LRRC4C: variants seen among roughly 807,000 people sequenced by gnomAD.
LRRC4C encodes leucine-rich repeat-containing protein 4C.
LRRC4C carries 5 observed loss-of-function variants against 33.6 expected under a neutral mutation model. The ratio of observed to expected loss-of-function variants is 0.15; its 90% CI spans 0.08 to 0.31. The LOEUF (loss-of-function observed/expected upper bound fraction) is 0.31, where lower values mean the gene tolerates loss of function less well. Among genes scored for constraint, LRRC4C ranks in the 10% least tolerant of loss-of-function variants. LRRC4C has a pLI of 1.00. For synonymous variants in LRRC4C, 329 were observed against 302.0 expected, an observed-to-expected ratio of 1.09 and a Z score of -0.93; for missense variants, 560 against 796.7, an observed-to-expected ratio of 0.70 and a Z score of 3.58.
intron 1 of LRRC4C, among the ~76,000 whole-genome samples, chr11:41,260,797 A>T (rs1238968148): frequency 6.6e-6 from 1 of 152,052 alleles, no homozygotes; most frequent in Non-Finnish European, 1.5e-5. Context: ...AATAGTGATA[A>T]CCTCATTCAT....
Position 40,794,282 on chromosome 11 carries a change from G to A in LRRC4C, c.-407+139353C>T, listed in dbSNP as rs367718788. Among the ~76,000 whole-genome samples the A allele has an allele frequency of 6.8e-4, 102 of 150,934 alleles. 2 individuals are homozygous for A. The South Asian group carries it at 0.019, about 29-fold the overall frequency. The stretch of plus-strand genomic sequence containing the variant: ...TAAGAATGAACAAACGAGAAAGTCT[G>A]GGCCATAGGCATTTAGTGAATAAAC... On this transcript the variant is annotated intron_variant, in intron 2 of 6. Transcript: ENST00000528697.
Position 40,645,000 on chromosome 11 carries a change from T to TTGAA in LRRC4C, c.-270+3138_-270+3141dup, listed in dbSNP as rs1181956886. Among the ~76,000 whole-genome samples, 13 of 152,282 alleles carry TTGAA rather than the reference T, an allele frequency of 8.5e-5. 1 individual carries two copies. The highest frequency in any genetic ancestry group is 2.6e-4 in the African/African-American group (11 of 41,576). ...GTACAATTATTTAAAAACTAAAAAG[T>TTGAA]TGAATTAAAAATTCAGTCATCAGCA... On this transcript the variant is annotated intron_variant, in intron 3 of 6. Transcript: ENST00000528697.
chr11:40,365,376 C>T (rs1948161106), intron 3 of LRRC4C, among the ~76,000 whole-genome samples: 2 of 152,052 alleles, frequency 1.3e-5, no homozygotes, highest in African/African-American at 4.8e-5. Context: ...AATTCTCCTC[C>T]TAACTATGCA....
intron 3 of LRRC4C, among the ~76,000 whole-genome samples, chr11:40,556,685 T>C (rs906435388): frequency 2.0e-5 from 3 of 152,304 alleles, no homozygotes; most frequent in Admixed American, 2.0e-4. Context: ...CATAAAGAGT[T>C]GTCAATGTGA....
At position 41,282,895 on chromosome 11, in the gene LRRC4C, A is replaced by C. The variant is rs149044755; in HGVS notation, c.-496+176536T>G. Among the ~76,000 whole-genome samples the C allele has an allele frequency of 3.4e-3, 515 of 152,318 alleles. 2 individuals are homozygous for C. Among genetic ancestry groups the C allele is most frequent in the African/African-American group, 0.011 (477 of 41,572 alleles). On this transcript the variant is annotated intron_variant, in intron 1 of 6. Coordinates refer to ENST00000528697, the MANE Select transcript of LRRC4C (RefSeq NM_001258419.2). ...AACTGGGTTTTAAAAGCAATACCCA[A>C]GGAAACTGGTATTCTTTTATCAAAA...
chr11:40,883,275 C>T (rs1955274630), intron 2 of LRRC4C, among the ~76,000 whole-genome samples: 1 of 152,022 alleles, frequency 6.6e-6, no homozygotes, highest in Non-Finnish European at 1.5e-5. Context: ...ACTTTCCAGT[C>T]TTGAGTCAAT....
intron 1 of LRRC4C, among the ~76,000 whole-genome samples, chr11:40,975,156 A>G (rs904750743): frequency 1.3e-5 from 2 of 152,208 alleles, no homozygotes; most frequent in South Asian, 4.1e-4. Context: ...ATAGATGTCT[A>G]TCTAATTATA....
At chr11:40,823,006 T>C (rs1300774010) in intron 2 of LRRC4C, among the ~76,000 whole-genome samples, 1 of 151,796 alleles carries the variant, frequency 6.6e-6, no homozygotes, top group Non-Finnish European at 1.5e-5. Flanking sequence ...TATCTCTGGG[T>C]TCTCCATTCT....
At chr11:40,227,800 C>A (rs1023480982) in intron 5 of LRRC4C, among the ~76,000 whole-genome samples, 3 of 151,792 alleles carry the variant, frequency 2.0e-5, no homozygotes, top group South Asian at 4.1e-4. Context: ...AATGAAGGAA[C>A]CTGATTTTCT....
intron 3 of LRRC4C, among the ~76,000 whole-genome samples, chr11:40,366,795 G>A (rs1475990272): frequency 2.6e-5 from 4 of 152,014 alleles, no homozygotes; most frequent in Non-Finnish European, 5.9e-5. Context: ...CATTTAAAGT[G>A]CAAATACTGC....
At chr11:41,349,354 G>A (rs987211273) in intron 1 of LRRC4C, among the ~76,000 whole-genome samples, 1 of 152,052 alleles carries the variant, frequency 6.6e-6, no homozygotes, top group African/African-American at 2.4e-5. Flanking sequence ...CCACACTGAG[G>A]CACTTTTGCC....
At chr11:40,650,230 T>C (rs900109024) in intron 2 of LRRC4C, among the ~76,000 whole-genome samples, 2 of 152,154 alleles carry the variant, frequency 1.3e-5, no homozygotes, top group Non-Finnish European at 2.9e-5. Flanking sequence ...TAGGCCCCAG[T>C]AGACCAAAGC....
In LRRC4C at chr11:40,327,727, A is replaced by G. The variant is rs183137428; in HGVS notation, c.-269-8006T>C. On this transcript the variant is annotated intron_variant, in intron 3 of 6. Coordinates refer to ENST00000528697, the MANE Select transcript of LRRC4C (RefSeq NM_001258419.2). ...ACTTCTCTTCTGCTTGAACATTTTC[A>G]AAATTTTTAGTCTATTAAACTCCAA... Among the ~76,000 whole-genome samples the G allele has an allele frequency of 1.2e-3, 188 of 152,124 alleles. 1 individual carries two copies. Among genetic ancestry groups the G allele is most frequent in the African/African-American group, 4.2e-3 (176 of 41,506 alleles).
chr11:41,057,155 G>C (rs936795025), intron 1 of LRRC4C, among the ~76,000 whole-genome samples: 9 of 152,160 alleles, frequency 5.9e-5, no homozygotes, highest in African/African-American at 1.9e-4. Flanking sequence ...TCGCAGGCTT[G>C]GAAATGCCTG....
intron 2 of LRRC4C, among the ~76,000 whole-genome samples, chr11:40,701,571 A>G (rs981256699): frequency 6.6e-6 from 1 of 150,782 alleles, no homozygotes; most frequent in African/African-American, 2.4e-5. Flanking sequence ...GATGGGTTTC[A>G]TATTTATCAT....
Position 40,676,992 on chromosome 11 carries a change from C to T in LRRC4C, c.-406-28714G>A, listed in dbSNP as rs1365978076. On this transcript the variant is annotated intron_variant, in intron 2 of 6. Transcript: ENST00000528697. ...GACAAAGAGCTTTTTACCATTCCTG[C>T]CCAGCAGATATGATCATTGTGGTTA... Among the ~76,000 whole-genome samples, 5 of 152,222 alleles carry T rather than the reference C, an allele frequency of 3.3e-5. No individual in the cohort carries two copies. In the South Asian group the frequency reaches 6.2e-4, roughly 19 times the overall value.
At chr11:40,233,452 T>C (rs1166132153) in intron 5 of LRRC4C, among the ~76,000 whole-genome samples, 1 of 152,198 alleles carries the variant, frequency 6.6e-6, no homozygotes, top group Non-Finnish European at 1.5e-5. Context: ...GCACATTCAA[T>C]AAATACTGTT....
At chr11:41,315,709 G>T (rs539776653) in intron 1 of LRRC4C, among the ~76,000 whole-genome samples, 4 of 152,318 alleles carry the variant, frequency 2.6e-5, no homozygotes, top group African/African-American at 7.2e-5. Flanking sequence ...GAATGTTTAT[G>T]ATTGTAGTTT....
chr11:40,986,936 C>G (rs1263573580), intron 1 of LRRC4C, among the ~76,000 whole-genome samples: 1 of 152,158 alleles, frequency 6.6e-6, no homozygotes, highest in Admixed American at 6.5e-5. Flanking sequence ...AAGGCAAAAC[C>G]AATGACTACC....
Sources: allele counts gnomAD v4.1 joint callset (sites outside exome capture counted in the v4.1 genomes callset), GRCh38; gene constraint gnomAD v4.1.1; transcripts MANE v1.5; gene names NCBI Gene and HGNC (gene_info 2026-07-23, HGNC 2026-07-21).